The following ANKRD36 variants were observed in gnomAD, a reference collection of about 807,000 sequenced individuals.
ANKRD36 encodes ankyrin repeat domain-containing protein 36A.
A neutral mutation model predicts 278.1 loss-of-function variants in ANKRD36; 179 were observed. That is an observed-to-expected ratio of 0.64 (90% CI 0.57 to 0.73). The LOEUF is 0.73. Ranked by LOEUF, ANKRD36 falls within the 30% of genes least tolerant of loss-of-function variation. The pLI, the probability that ANKRD36 is intolerant of heterozygous loss-of-function variation, is 0.00. For missense variants in ANKRD36, 1,159 were observed against 1,956.7 expected, an observed-to-expected ratio of 0.59 and a Z score of 7.69; for synonymous variants, 320 against 641.1, an observed-to-expected ratio of 0.50 and a Z score of 7.57.
rs796772220 is a variant in ANKRD36 at position 97,243,038 on chromosome 2, T to C, written c.4308-808T>C. On this transcript the variant is annotated intron_variant, in intron 69 of 75. Transcript: ENST00000420699. ...TTTATTAGGATAATAAACCAACATA[T>C]GAATGTTTTATTTTCTAATATCAAC... Among the ~76,000 whole-genome samples the C allele has an allele frequency of 8.3e-3, 1,010 of 122,062 alleles. 4 individuals are homozygous for C. Among genetic ancestry groups the C allele is most frequent in the Admixed American group, 0.03 (314 of 10,482 alleles). The allele number at this position is 122,062 out of a possible 152,430, so 80.1% of individuals were successfully genotyped here.
At chr2:97,146,590 A>G (rs75341630) in intron 11 of ANKRD36, 74 bp downstream of exon 11, 147,265 of 943,818 alleles carry the variant, frequency 0.16, 1 homozygote, top group Non-Finnish European at 0.2. Context: ...GTATCCATTT[A>G]GTGTTCTCCT....
At chr2:97,207,253 C>T (rs987927995) in intron 52 of ANKRD36, among the ~76,000 whole-genome samples, 1 of 151,438 alleles carries the variant, frequency 6.6e-6, no homozygotes, top group Non-Finnish European at 1.5e-5. Flanking sequence ...TGAATATTAT[C>T]TACTAGGTAT....
At position 97,198,472 on chromosome 2, in the gene ANKRD36, A is replaced by G. The variant is rs751190288; in HGVS notation, c.2663A>G (p.Glu888Gly). The part of the protein sequence containing the change: ...DGEKSRTVSS[E>G]KPPGLKASSA... The stretch of plus-strand genomic sequence containing the variant: ...CCCTTTTACTTTTCAGTGTCTTCTG[A>G]GAAACCACCAGGCTTGAAGGTAATG... Residue 888 changes from glutamate (E) to glycine (G), a missense_variant, in exon 43 of 76, where the codon GAG (glutamate) becomes GGG (glycine). Physicochemically the swap from Glu to Gly is moderately conservative, Grantham distance 98. Coordinates refer to ENST00000420699, the MANE Select transcript of ANKRD36 (RefSeq NM_001354587.1). 2.5e-6 allele frequency: 4 copies of G among 1,580,522 alleles called. No individual in the cohort carries two copies. The highest frequency in any genetic ancestry group is 3.4e-6 in the Non-Finnish European group (4 of 1,165,492).
chr2:97,182,251 G>T (rs1172159177), intron 26 of ANKRD36, among the ~76,000 whole-genome samples: 2 of 110,142 alleles, frequency 1.8e-5, no homozygotes, highest in Non-Finnish European at 4.8e-5. Context: ...GGATTGTCAG[G>T]CAGGAAGGAG....
At chr2:97,114,035 T>A in intron 1 of ANKRD36, 99 bp downstream of exon 1, 3 of 1,234,744 alleles carry the variant, frequency 2.4e-6, no homozygotes, top group Non-Finnish European at 3.2e-6. Flanking sequence ...GGTCCGGGGC[T>A]CGGGGTTTGG....
At chr2:97,198,728 T>C (rs1399792177) in intron 44 of ANKRD36, 70 bp downstream of exon 44, 4 of 1,425,586 alleles carry the variant, frequency 2.8e-6, no homozygotes, top group Non-Finnish European at 3.8e-6. Flanking sequence ...CCTGAATAAA[T>C]CAGCGGGGGG....
At chr2:97,230,268 G>C (rs1320006416) in intron 67 of ANKRD36, among the ~76,000 whole-genome samples, 2 of 152,056 alleles carry the variant, frequency 1.3e-5, no homozygotes, top group African/African-American at 4.8e-5. Flanking sequence ...GTGACTTTCA[G>C]GTACACCAAT....
intron 46 of ANKRD36, among the ~76,000 whole-genome samples, chr2:97,201,999 G>A (rs1176479457): frequency 1.3e-5 from 2 of 151,858 alleles, no homozygotes; most frequent in East Asian, 1.9e-4. Flanking sequence ...GTTTGAAATT[G>A]TAAGGGTATA....
Position 97,113,896 on chromosome 2 carries a change from C to G in ANKRD36, c.157C>G (p.Leu53Val), listed in dbSNP as rs764931745. ...TCTAGAGAAACTGAAGTACCTTCTG[C>G]TCACGTATTATGACGCCAATAAGAG... The part of the protein sequence containing the change: ...GNLEKLKYLL[L>V]TYYDANKRDR... Residue 53 changes from leucine to valine, a missense_variant, in exon 1 of 76, where the codon CTC becomes GTC. Physicochemically the swap from Leu to Val is conservative, Grantham distance 32 (BLOSUM62 1). Transcript: ENST00000420699. The G allele has an allele frequency of 1.2e-6, 2 of 1,612,922 alleles. No individual in the cohort carries two copies. The highest frequency in any genetic ancestry group is 2.7e-5 in the African/African-American group (2 of 74,868).
intron 67 of ANKRD36, among the ~76,000 whole-genome samples, chr2:97,230,425 T>C (rs745658150): frequency 3.5e-4 from 53 of 152,254 alleles, no homozygotes; most frequent in Non-Finnish European, 6.2e-4. Context: ...TCCAGTTGAT[T>C]GCATCGGCTC....
In ANKRD36 at chr2:97,189,149, A is replaced by G; in HGVS notation, c.2172+34A>G. 2 of 754,788 alleles carry G rather than the reference A, an allele frequency of 2.6e-6. 1 individual carries two copies. The highest frequency in any genetic ancestry group is 4.5e-6 in the Non-Finnish European group (2 of 445,064). 46.8% of individuals were successfully genotyped at this position (754,788 alleles called of 1,614,324 possible). ...ACTCTCGTTTACATTGTGAACTAGT[A>G]ATTCTATAGTCTATGAAACATACTT... On this transcript the variant is annotated intron_variant, in intron 33 of 75. Coordinates refer to ENST00000420699, the MANE Select transcript of ANKRD36 (RefSeq NM_001354587.1).
chr2:97,157,636 T>G (rs574875368), intron 15 of ANKRD36, among the ~76,000 whole-genome samples: 14 of 143,668 alleles, frequency 9.7e-5, no homozygotes, highest in South Asian at 8.7e-4. Context: ...ACACACAGAA[T>G]AGAAGCAACT....
intron 44 of ANKRD36, among the ~76,000 whole-genome samples, chr2:97,199,848 CG>C (rs1427829429): frequency 6.6e-6 from 1 of 151,872 alleles, no homozygotes; most frequent in Non-Finnish European, 1.5e-5. Context: ...GTGAAGTGTA[CG>C]TTCAACTGGA....
chr2:97,200,707 T>C (rs528267846), intron 46 of ANKRD36, among the ~76,000 whole-genome samples, 182 bp downstream of exon 46: 1 of 152,006 alleles, frequency 6.6e-6, no homozygotes, highest in African/African-American at 2.4e-5. Context: ...ATCTTCGCTG[T>C]AAGATTATAC....
chr2:97,134,476 A>G (rs1446606615), intron 6 of ANKRD36, among the ~76,000 whole-genome samples: 1 of 152,050 alleles, frequency 6.6e-6, no homozygotes. Flanking sequence ...AGTCTTTCCT[A>G]TTTACCTTGC....
At chr2:97,188,132 G>A (rs201646665) in intron 32 of ANKRD36, among the ~76,000 whole-genome samples, 4 of 151,610 alleles carry the variant, frequency 2.6e-5, no homozygotes, top group African/African-American at 7.3e-5. Flanking sequence ...ATGAGATAAA[G>A]TTGAATATGA....
Position 97,189,254 on chromosome 2 carries a change from G to T in ANKRD36, c.2209G>T (p.Ala737Ser). Residue 737 changes from alanine to serine, a missense_variant, in exon 34 of 76, where the codon GCC becomes TCC. Transcript: ENST00000420699. ...TDEEDSVSNI[A>S]TEIKDGEKSG... ...CGAGGAAGATTCTGTTTCGAATATA[G>T]CCACAGAAATAAAGGATGGAGAAAA... 3 of 756,634 alleles carry T rather than the reference G, an allele frequency of 4.0e-6. 1 individual carries two copies. Among genetic ancestry groups the T allele is most frequent in the Non-Finnish European group, 6.7e-6 (3 of 446,534 alleles). The allele number at this position is 756,634 out of a possible 1,614,324, so 46.9% of individuals were successfully genotyped here.
chr2:97,132,696 C>T (rs1234172602), intron 6 of ANKRD36, among the ~76,000 whole-genome samples: 10 of 152,072 alleles, frequency 6.6e-5, no homozygotes, highest in Non-Finnish European at 1.5e-5. Flanking sequence ...ACTCAGCAAA[C>T]AGTGCTACTC....
chr2:97,175,247 A>G (rs1258653480), intron 22 of ANKRD36, among the ~76,000 whole-genome samples: 2 of 148,374 alleles, frequency 1.3e-5, no homozygotes, highest in East Asian at 4.0e-4. Flanking sequence ...CTGTGAATCC[A>G]TCTGGTCCTG....
Sources: gnomAD v4.1 joint callset for allele counts (sites outside exome capture counted in the v4.1 genomes callset) on GRCh38, gnomAD v4.1.1 for gene constraint, MANE v1.5 for transcripts, NCBI Gene and HGNC (gene_info 2026-07-23, HGNC 2026-07-21) for gene names.